DNAI3: variants seen among roughly 807,000 people sequenced by gnomAD.
DNAI3 encodes dynein axonemal intermediate chain 3.
A neutral mutation model predicts 115.5 loss-of-function variants in DNAI3; 83 were observed. That is an observed-to-expected ratio of 0.72 (90% CI 0.60 to 0.86). The LOEUF (loss-of-function observed/expected upper bound fraction) is 0.86, where lower values mean the gene tolerates loss of function less well. Ranked by LOEUF, DNAI3 falls within the 40% of genes least tolerant of loss-of-function variation. The pLI is 0.00. For synonymous variants in DNAI3, 320 were observed against 347.0 expected (o/e 0.92, Z 0.86); for missense variants, 1,004 against 1,075.8 (o/e 0.93, Z 0.93).
Position 85,121,806 on chromosome 1 carries a change from G to C in DNAI3, c.1973G>C (p.Arg658Pro). ...WKMEKDPETG[R>P]LMSKKPVSHH... Reference sequence around the variant, plus strand: ...ATGGAAAAAGACCCTGAAACTGGCCGACTTATGTGTAAGTTTTGTGATTGC... The same window carrying C: ...ATGGAAAAAGACCCTGAAACTGGCCCACTTATGTGTAAGTTTTGTGATTGC... Residue 658 changes from arginine (R) to proline (P), a missense_variant, in exon 18 of 23, where the codon CGA (arginine) becomes CCA (proline). Around this residue, in one of 3 missense-constraint regions of DNAI3, gnomAD observed 429 missense variants for 454.3 expected, o/e 0.94. Transcript: ENST00000294664. 3.7e-6 allele frequency: 6 copies of C among 1,614,056 alleles called. No individual in the cohort carries two copies. Among genetic ancestry groups the C allele is most frequent in the Non-Finnish European group, 5.1e-6 (6 of 1,179,956 alleles).
At position 85,121,833 on chromosome 1, in the gene DNAI3, C is replaced by T. The variant is rs185715493; in HGVS notation, c.1981+19C>T. On this transcript the variant is annotated intron_variant, in intron 18 of 22. Transcript: ENST00000294664. ...CTTATGTGTAAGTTTTGTGATTGCC[C>T]TGTTATTAATAAGATGTTCCTTTTA... The T allele has an allele frequency of 1.0e-4, 169 of 1,612,846 alleles. No individual in the cohort carries two copies. In the East Asian group the frequency reaches 3.6e-3, roughly 34 times the overall value.
chr1:85,126,050 T>A (rs1656124075), intron 19 of DNAI3, among the ~76,000 whole-genome samples: 1 of 152,238 alleles, frequency 6.6e-6, no homozygotes, highest in African/African-American at 2.4e-5. Flanking sequence ...ATTTTCAACA[T>A]GCAGTACACA....
chr1:85,076,691 C>A (rs1053755010), intron 3 of DNAI3, among the ~76,000 whole-genome samples: 1 of 152,096 alleles, frequency 6.6e-6, no homozygotes, highest in Non-Finnish European at 1.5e-5. Flanking sequence ...GAGAACAGCA[C>A]GGGAAAGACC....
intron 7 of DNAI3, among the ~76,000 whole-genome samples, chr1:85,089,020 G>T (rs1463423887): frequency 1.3e-5 from 2 of 151,968 alleles, no homozygotes; most frequent in African/African-American, 4.8e-5. Flanking sequence ...TTACCCCTTT[G>T]TCTGATTACT....
Position 85,129,972 on chromosome 1 carries a change from G to A in DNAI3, c.2410-18G>A. 1 of 1,605,452 alleles carries A rather than the reference G, an allele frequency of 6.2e-7. No homozygotes were observed. Among genetic ancestry groups the A allele is most frequent in the Non-Finnish European group, 8.5e-7 (1 of 1,176,400 alleles). On this transcript the variant is annotated intron_variant, in intron 21 of 22. Coordinates refer to ENST00000294664, the MANE Select transcript of DNAI3 (RefSeq NM_145172.5). ...GCTTCCTGCCTGTCACCCTCTCATGGACTTCTGTTTCTAACAGATGGCAAG... is the reference window on the plus strand; with the variant it reads ...GCTTCCTGCCTGTCACCCTCTCATGAACTTCTGTTTCTAACAGATGGCAAG...
At chr1:85,070,879 A>T (rs74833723) in intron 1 of DNAI3, among the ~76,000 whole-genome samples, 1 of 148,604 alleles carries the variant, frequency 6.7e-6, no homozygotes, top group Non-Finnish European at 1.5e-5. Context: ...TTTAAAAAAA[A>T]TTCATATGAG....
At chr1:85,127,770 G>T (rs563941117) in intron 20 of DNAI3, among the ~76,000 whole-genome samples, 2 of 152,218 alleles carry the variant, frequency 1.3e-5, no homozygotes, top group East Asian at 3.9e-4. Flanking sequence ...TTTGCAATTT[G>T]AAGCAGACCT....
At chr1:85,081,062 T>A (rs978056072) in intron 3 of DNAI3, among the ~76,000 whole-genome samples, 172 bp from the exon 4 acceptor site, 2 of 152,098 alleles carry the variant, frequency 1.3e-5, no homozygotes, top group Non-Finnish European at 2.9e-5. Context: ...TTTAAAAATG[T>A]TTTTGGCATT....
intron 9 of DNAI3, 120 bp downstream of exon 9, chr1:85,093,768 C>T (rs749989209): frequency 3.6e-5 from 45 of 1,234,350 alleles, no homozygotes; most frequent in African/African-American, 9.0e-5. Flanking sequence ...GCTCTGTACT[C>T]ACTAGGTACC....
At chr1:85,085,801 T>G (rs1415715855) in intron 6 of DNAI3, 30 bp from the exon 7 acceptor site, 3 of 1,215,586 alleles carry the variant, frequency 2.5e-6, no homozygotes, top group Non-Finnish European at 3.5e-6. Context: ...GACTTCATTA[T>G]GTTACCTTTA....
intron 20 of DNAI3, among the ~76,000 whole-genome samples, chr1:85,126,972 A>G (rs1335129973): frequency 1.3e-5 from 2 of 151,802 alleles, no homozygotes; most frequent in Non-Finnish European, 2.9e-5. Context: ...CTGTTGCCTC[A>G]TCAAGAATGA....
chr1:85,103,817 G>A (rs1655401713), intron 13 of DNAI3, among the ~76,000 whole-genome samples: 1 of 151,368 alleles, frequency 6.6e-6, no homozygotes. Flanking sequence ...AACCTGGGAG[G>A]CTGAGGTTGC....
At chr1:85,084,030 A>C (rs1654710633) in intron 5 of DNAI3, among the ~76,000 whole-genome samples, 1 of 151,566 alleles carries the variant, frequency 6.6e-6, no homozygotes. Flanking sequence ...ATGTAGGTCA[A>C]ATTTGTTCAT....
intron 9 of DNAI3, chr1:85,093,874 C>G: frequency 1.5e-6 from 1 of 648,184 alleles, no homozygotes; most frequent in Non-Finnish European, 2.8e-6. Flanking sequence ...ACAAAAGGAC[C>G]CAAGCTCAAC....
intron 7 of DNAI3, among the ~76,000 whole-genome samples, chr1:85,088,362 A>G (rs1010575103): frequency 1.3e-5 from 2 of 152,144 alleles, no homozygotes; most frequent in Non-Finnish European, 2.9e-5. Flanking sequence ...AATTTTTTCA[A>G]AGAATTAAAA....
intron 16 of DNAI3, among the ~76,000 whole-genome samples, chr1:85,115,795 T>C (rs943536702): frequency 3.3e-5 from 5 of 152,170 alleles, no homozygotes; most frequent in Admixed American, 2.0e-4. Context: ...GTGTTCACGC[T>C]TCTGTGAGAA....
chr1:85,103,609 C>G (rs555081010), intron 13 of DNAI3, among the ~76,000 whole-genome samples: 2 of 152,002 alleles, frequency 1.3e-5, no homozygotes, highest in Non-Finnish European at 2.9e-5. Flanking sequence ...TTTATGAGGC[C>G]GGGCGCATGG....
intron 16 of DNAI3, 150 bp from the exon 17 acceptor site, chr1:85,117,579 A>G: frequency 9.2e-7 from 1 of 1,082,456 alleles, no homozygotes; most frequent in Non-Finnish European, 1.3e-6. Flanking sequence ...GCTAAATTAG[A>G]AATCTAAAAA....
At chr1:85,080,057 T>C (rs1475710766) in intron 3 of DNAI3, among the ~76,000 whole-genome samples, 1 of 137,696 alleles carries the variant, frequency 7.3e-6, no homozygotes, top group Non-Finnish European at 1.6e-5. Flanking sequence ...TTTTTTTTTT[T>C]TTTTTTTTTT....
Sources: allele counts gnomAD v4.1 joint callset (sites outside exome capture counted in the v4.1 genomes callset), GRCh38; gene constraint gnomAD v4.1.1; regional missense constraint gnomAD v4.1.1; transcripts MANE v1.5; gene names NCBI Gene and HGNC (gene_info 2026-07-23, HGNC 2026-07-21).